ANKRD30B: variants seen among roughly 807,000 people sequenced by gnomAD.
ANKRD30B encodes the protein ankyrin repeat domain-containing protein 30B.
ANKRD30B carries 144 observed loss-of-function variants against 202.2 expected under a neutral mutation model. The observed-to-expected ratio is 0.71, with a 90% confidence interval of 0.62 to 0.82. ANKRD30B has a LOEUF of 0.82. Among genes scored for constraint, ANKRD30B ranks in the 40% least tolerant of loss-of-function variants. The pLI is 0.00. For synonymous variants in ANKRD30B, 508 were observed against 561.3 expected, an observed-to-expected ratio of 0.91 and a Z score of 1.34; for missense variants, 1,487 against 1,669.1, an observed-to-expected ratio of 0.89 and a Z score of 1.90.
At chr18:14,846,568 C>A (rs1971646455) in intron 39 of ANKRD30B, among the ~76,000 whole-genome samples, 1 of 146,972 alleles carries the variant, frequency 6.8e-6, no homozygotes, top group Admixed American at 6.6e-5. Flanking sequence ...TTTTGCAGTT[C>A]TATCTATTTT....
intron 18 of ANKRD30B, among the ~76,000 whole-genome samples, chr18:14,796,999 C>T (rs2143970705): frequency 6.6e-6 from 1 of 152,230 alleles, no homozygotes; most frequent in South Asian, 2.1e-4. Flanking sequence ...TGCAGACTTT[C>T]CATAACCTAT....
At chr18:14,884,656 G>A in the ANKRD30B span, among the ~76,000 whole-genome samples, 11 of 152,112 alleles carry the variant, frequency 7.2e-5, no homozygotes, top group African/African-American at 2.6e-4. Context: ...TGAAAACCAG[G>A]AAGTAAAAGG....
the ANKRD30B span, among the ~76,000 whole-genome samples, chr18:14,864,609 T>C: frequency 2.0e-5 from 3 of 151,756 alleles, no homozygotes; most frequent in East Asian, 5.8e-4. Flanking sequence ...CCAAAACTTT[T>C]CCCCAACGTC....
intron 1 of ANKRD30B, among the ~76,000 whole-genome samples, chr18:14,748,996 G>A (rs1287180655): frequency 1.3e-5 from 2 of 152,234 alleles, no homozygotes; most frequent in African/African-American, 4.8e-5. Context: ...TTAATGTACA[G>A]GTTTTAAAAG....
At chr18:14,753,110 T>C (rs1913735344) in intron 3 of ANKRD30B, 98 bp downstream of exon 3, 2 of 985,844 alleles carry the variant, frequency 2.0e-6, no homozygotes, top group Middle Eastern at 2.7e-4. Context: ...CAAACATTCC[T>C]TGAGTGAAAA....
chr18:14,800,515 G>A (rs569083194), intron 22 of ANKRD30B, among the ~76,000 whole-genome samples: 2 of 151,042 alleles, frequency 1.3e-5, no homozygotes, highest in East Asian at 1.9e-4. Flanking sequence ...TAGTAGAAAC[G>A]GGGTTTCACC....
Position 14,768,856 on chromosome 18 carries a change from G to T in ANKRD30B, c.1226-487G>T, listed in dbSNP as rs556340498. ...AATACAATTTTCTGTCCGTCTTACA[G>T]GATTCTGTTTGGATTATGACTATTG... On this transcript the variant is annotated intron_variant, in intron 7 of 43. Coordinates refer to ENST00000690538, the MANE Select transcript of ANKRD30B (RefSeq NM_001367607.2). Among the ~76,000 whole-genome samples the T allele has an allele frequency of 2.0e-5, 3 of 152,244 alleles. No homozygotes were observed. The South Asian group carries it at 6.2e-4, about 32-fold the overall frequency.
the ANKRD30B span, among the ~76,000 whole-genome samples, chr18:14,929,767 G>A: frequency 5.9e-5 from 9 of 152,062 alleles, no homozygotes; most frequent in South Asian, 4.2e-4. Flanking sequence ...GGATAACAAC[G>A]GCAACTACAA....
At chr18:14,817,637 C>T (rs529873073) in intron 30 of ANKRD30B, among the ~76,000 whole-genome samples, 4 of 152,188 alleles carry the variant, frequency 2.6e-5, no homozygotes, top group Non-Finnish European at 5.9e-5. Flanking sequence ...GTTACATATT[C>T]ATTTCCTATC....
chr18:14,760,643 T>C, intron 6 of ANKRD30B, 25 bp downstream of exon 6: 1 of 1,472,842 alleles, frequency 6.8e-7, no homozygotes, highest in South Asian at 1.3e-5. Flanking sequence ...AGCAAACTAC[T>C]CTTGATGGTG....
intron 39 of ANKRD30B, among the ~76,000 whole-genome samples, 165 bp from the exon 40 acceptor site, chr18:14,848,551 T>G (rs1015265617): frequency 1.5e-4 from 21 of 137,690 alleles, no homozygotes; most frequent in South Asian, 4.5e-4. Flanking sequence ...AAGAGCAGAG[T>G]TTTTTTTTTT....
At chr18:14,886,346 A>C in the ANKRD30B span, among the ~76,000 whole-genome samples, 1 of 152,036 alleles carries the variant, frequency 6.6e-6, no homozygotes, top group Non-Finnish European at 1.5e-5. Flanking sequence ...TTACAGTTTT[A>C]AGATTCTAGA....
At chr18:14,771,134 G>GT (rs1282482445) in intron 8 of ANKRD30B, among the ~76,000 whole-genome samples, 1 of 152,122 alleles carries the variant, frequency 6.6e-6, no homozygotes, top group Non-Finnish European at 1.5e-5. Flanking sequence ...CCATTTCGTT[G>GT]TTTTTCAGGA....
At chr18:14,765,786 A>G (rs955587362) in intron 7 of ANKRD30B, among the ~76,000 whole-genome samples, 1 of 152,166 alleles carries the variant, frequency 6.6e-6, no homozygotes, top group Admixed American at 6.5e-5. Context: ...GTATCAGTCT[A>G]TTATGAAAAT....
chr18:14,839,189 T>G (rs1480128412), intron 36 of ANKRD30B, among the ~76,000 whole-genome samples: 14 of 152,174 alleles, frequency 9.2e-5, no homozygotes, highest in Admixed American at 9.2e-4. Context: ...GAATAACAAA[T>G]GAAAAACACT....
the ANKRD30B span, among the ~76,000 whole-genome samples, chr18:14,870,425 TC>T: frequency 6.6e-6 from 1 of 152,156 alleles, no homozygotes; most frequent in Non-Finnish European, 1.5e-5. Flanking sequence ...CCCTCTCCTT[TC>T]CCCTCTGGGG....
At chr18:14,808,626 GA>G in intron 25 of ANKRD30B, 45 bp from the exon 26 acceptor site, 1 of 1,566,724 alleles carries the variant, frequency 6.4e-7, no homozygotes, top group Non-Finnish European at 8.7e-7. Context: ...ACATATTTTT[GA>G]AGTATACATT....
chr18:14,808,871 G>A lies in ANKRD30B; in HGVS notation c.2386+127G>A, dbSNP rs1323377952. 2.5e-5 allele frequency: 21 copies of A among 832,332 alleles called. 2 individuals are homozygous for A. In the South Asian group the frequency reaches 3.8e-4, roughly 15 times the overall value. 51.6% of individuals were successfully genotyped at this position (832,332 alleles called of 1,614,324 possible). On this transcript the variant is annotated intron_variant, in intron 26 of 43. Coordinates refer to ENST00000690538, the MANE Select transcript of ANKRD30B (RefSeq NM_001367607.2). ...GGTGGGAAAATTTGATACAAATAAT[G>A]CAAATGTTAGTATTTATGTTTGAGA...
the ANKRD30B span, among the ~76,000 whole-genome samples, chr18:14,865,266 A>C: frequency 1.4e-5 from 2 of 147,526 alleles, no homozygotes; most frequent in African/African-American, 2.5e-5. Context: ...TTCCCTCTCC[A>C]TCTACCTAAA....
Sources: allele counts gnomAD v4.1 joint callset (sites outside exome capture counted in the v4.1 genomes callset), GRCh38; gene constraint gnomAD v4.1.1; transcripts MANE v1.5; gene names NCBI Gene and HGNC (gene_info 2026-07-23, HGNC 2026-07-21).